The following PRDM16 variants were observed in gnomAD, a reference collection of about 807,000 sequenced individuals.
PRDM16 encodes PR/SET domain 16, also known as histone-lysine N-methyltransferase PRDM16.
A neutral mutation model predicts 110.6 loss-of-function variants in PRDM16; 23 were observed. The observed-to-expected ratio is 0.21, with a 90% CI of 0.15 to 0.29. PRDM16 has a LOEUF of 0.29. Among genes scored for constraint, PRDM16 ranks in the 10% least tolerant of loss-of-function variants. The probability of loss-of-function intolerance (pLI) is 1.00; values close to 1 mark genes in which losing one functional copy is unlikely to be tolerated. For missense variants in PRDM16, 1,615 were observed against 1,794.3 expected (o/e 0.90, Z 1.81); for synonymous variants, 799 against 781.8 (o/e 1.02, Z -0.37).
At position 3,081,065 on chromosome 1, in the gene PRDM16, A is replaced by AG. The variant is rs1235140948; in HGVS notation, c.37+11773dup. ...TCGGGGGGCAGATAGCGTAGCCACG[A>AG]GGGGCTCTCTGGTTTCATGGCTGGG... On this transcript the variant is annotated intron_variant, in intron 1 of 16. Transcript: ENST00000270722. This position sits in a 1 kb window ranked among gnomAD's most constrained non-coding sequence, Gnocchi z 4.6. Among the ~76,000 whole-genome samples, 1 of 152,056 alleles carries AG rather than the reference A, an allele frequency of 6.6e-6. No homozygotes were observed. The highest frequency in any genetic ancestry group is 1.5e-5 in the Non-Finnish European group (1 of 68,022).
At chr1:3,397,260 CAG>C (rs1325852811) in intron 5 of PRDM16, among the ~76,000 whole-genome samples, 1 of 152,262 alleles carries the variant, frequency 6.6e-6, no homozygotes, top group Non-Finnish European at 1.5e-5. Flanking sequence ...CTCTTCCAGA[CAG>C]GGCTGTGGGA....
intron 1 of PRDM16, among the ~76,000 whole-genome samples, chr1:3,146,761 TA>T (rs1359084620): frequency 8.2e-6 from 1 of 121,250 alleles, no homozygotes; most frequent in Non-Finnish European, 1.7e-5. Flanking sequence ...GTGCTCGGTG[TA>T]GGGGGTGTGT....
chr1:3,095,699 C>A (rs575370884), intron 1 of PRDM16, among the ~76,000 whole-genome samples: 3 of 152,108 alleles, frequency 2.0e-5, no homozygotes, highest in African/African-American at 7.2e-5. Context: ...CCGTGGGCAG[C>A]CTCTGGCCTC....
rs1310704895 is a variant in PRDM16 at position 3,165,939 on chromosome 1, A to ACTCACCTGGGCTCAGGAACGGAGGC, written c.38-20179_38-20178insGGGCTCAGGAACGGAGGCCTCACCT. Among the ~76,000 whole-genome samples the ACTCACCTGGGCTCAGGAACGGAGGC allele has an allele frequency of 2.0e-4, 22 of 109,952 alleles. 3 individuals carry two copies. Among genetic ancestry groups the ACTCACCTGGGCTCAGGAACGGAGGC allele is most frequent in the South Asian group, 3.3e-4 (1 of 3,074 alleles). 72.1% of individuals were successfully genotyped at this position (109,952 alleles called of 152,430 possible). A position where few individuals can be genotyped will look rare whatever the true frequency, so the allele number is the denominator to read the frequency against. ...GACTCACCTGGGCTCAGGGACAGGG[A>ACTCACCTGGGCTCAGGAACGGAGGC]CTCACCTTTTTTTTCTCCCAGTGAC... On this transcript the variant is annotated intron_variant, in intron 1 of 16. Coordinates refer to ENST00000270722, the MANE Select transcript of PRDM16 (RefSeq NM_022114.4).
chr1:3,163,936 T>G (rs1643921288), intron 1 of PRDM16, among the ~76,000 whole-genome samples: 1 of 152,210 alleles, frequency 6.6e-6, no homozygotes, highest in Non-Finnish European at 1.5e-5. Context: ...TAACCTCACT[T>G]CATCTCCCAT....
chr1:3,369,102 A>G (rs1183616024), intron 3 of PRDM16, among the ~76,000 whole-genome samples: 2 of 152,210 alleles, frequency 1.3e-5, no homozygotes, highest in Non-Finnish European at 2.9e-5. Flanking sequence ...AGGTAATATC[A>G]TTGTGGGGGA....
chr1:3,273,754 G>A (rs1640516441), intron 3 of PRDM16, among the ~76,000 whole-genome samples: 1 of 151,634 alleles, frequency 6.6e-6, no homozygotes, highest in African/African-American at 2.4e-5. Flanking sequence ...GTGTGTGGGG[G>A]TTGCATATAT....
At chr1:3,220,289 G>C (rs573836533) in intron 2 of PRDM16, among the ~76,000 whole-genome samples, 1 of 152,176 alleles carries the variant, frequency 6.6e-6, no homozygotes, top group Non-Finnish European at 1.5e-5. Flanking sequence ...GTGGGGCCAC[G>C]TCACAGGCAT....
chr1:3,325,923 C>T (rs1030804072), intron 3 of PRDM16, among the ~76,000 whole-genome samples: 1 of 102,630 alleles, frequency 9.7e-6, no homozygotes, highest in Non-Finnish European at 2.0e-5. Flanking sequence ...CTTGGCCCTC[C>T]TCGGCCCTCT....
chr1:3,233,412 C>T (rs552435102), intron 2 of PRDM16, among the ~76,000 whole-genome samples: 171 of 152,306 alleles, frequency 1.1e-3, no homozygotes, highest in African/African-American at 3.8e-3. Context: ...AGGCACAGCG[C>T]ACCCGCCGGA....
intron 1 of PRDM16, among the ~76,000 whole-genome samples, chr1:3,178,170 G>C (rs537404324): frequency 6.6e-6 from 1 of 152,172 alleles, no homozygotes; most frequent in African/African-American, 2.4e-5. Context: ...GCAATAAGAC[G>C]GCAAGGGTTT....
intron 12 of PRDM16, among the ~76,000 whole-genome samples, chr1:3,423,499 A>C (rs1377178162): frequency 6.6e-6 from 1 of 152,140 alleles, no homozygotes; most frequent in South Asian, 2.1e-4. Flanking sequence ...CGTGCCGAGA[A>C]GGCCGAGCCA....
chr1:3,229,733 G>A (rs1285912124), intron 2 of PRDM16, among the ~76,000 whole-genome samples: 1 of 152,086 alleles, frequency 6.6e-6, no homozygotes, highest in Non-Finnish European at 1.5e-5. Context: ...TTATCTTAGG[G>A]CTAAAAAAAA....
intron 1 of PRDM16, among the ~76,000 whole-genome samples, chr1:3,098,061 C>T (rs1047717805): frequency 6.6e-5 from 10 of 152,320 alleles, no homozygotes; most frequent in Middle Eastern, 6.8e-3. Flanking sequence ...CTCCTTTGCC[C>T]GCCCTTGTGC....
intron 2 of PRDM16, among the ~76,000 whole-genome samples, chr1:3,191,998 G>T (rs1006174108): frequency 6.6e-6 from 1 of 152,200 alleles, no homozygotes; most frequent in Non-Finnish European, 1.5e-5. Flanking sequence ...TTACTCCAGG[G>T]TTTTTGCAAT....
rs920282785 is a variant in PRDM16 at position 3,243,451 on chromosome 1, G to T, written c.388-636G>T. Among the ~76,000 whole-genome samples, 4 of 150,708 alleles carry T rather than the reference G, an allele frequency of 2.7e-5. No individual in the cohort carries two copies. Among genetic ancestry groups the T allele is most frequent in the Admixed American group, 6.6e-5 (1 of 15,120 alleles). ...CCAGCACCCACCAAGCCACCCTTCC[G>T]CAGGGCGTTGGCCGACCTCTGCCCC... On this transcript the variant is annotated intron_variant, in intron 2 of 16. Coordinates refer to ENST00000270722, the MANE Select transcript of PRDM16 (RefSeq NM_022114.4). The surrounding 1 kb of genome is among the most constrained non-coding windows in gnomAD (Gnocchi z 5.5).
chr1:3,416,004 T>C (rs1461418752), intron 10 of PRDM16, among the ~76,000 whole-genome samples: 2 of 152,186 alleles, frequency 1.3e-5, no homozygotes, highest in Non-Finnish European at 2.9e-5. Context: ...TGCCCATCGC[T>C]CATCACTCGT....
intron 5 of PRDM16, among the ~76,000 whole-genome samples, chr1:3,402,522 GC>G (rs1238547538): frequency 6.6e-5 from 10 of 152,220 alleles, no homozygotes; most frequent in Non-Finnish European, 1.3e-4. Context: ...CACAGGCAGG[GC>G]CGGGTGTCGC....
chr1:3,079,588 T>C (rs1396639775), intron 1 of PRDM16, among the ~76,000 whole-genome samples: 1 of 152,254 alleles, frequency 6.6e-6, no homozygotes, highest in African/African-American at 2.4e-5. Context: ...GGGAGATTTC[T>C]GGCCTTCCTT....
Sources: gnomAD v4.1 joint callset for allele counts (sites outside exome capture counted in the v4.1 genomes callset) on GRCh38, gnomAD v4.1.1 for gene constraint, Gnocchi (gnomAD v3.1) non-coding constraint, MANE v1.5 for transcripts, NCBI Gene and HGNC (gene_info 2026-07-23, HGNC 2026-07-21) for gene names.